Variants in RNF43 observed in about 807,000 individuals in gnomAD.
RNF43 encodes ring finger protein 43.
RNF43 carries 37 observed loss-of-function variants against 78.4 expected under a neutral mutation model. The ratio of observed to expected loss-of-function variants is 0.47; its 90% CI spans 0.36 to 0.62. RNF43 has a LOEUF of 0.62. RNF43 is among the 20% of genes least tolerant of loss of function. The pLI is 0.00. For missense variants in RNF43, 774 were observed against 1,007.9 expected, an observed-to-expected ratio of 0.77 and a Z score of 3.14; for synonymous variants, 347 against 395.0, an observed-to-expected ratio of 0.88 and a Z score of 1.44.
At chr17:58,359,528 T>A (rs989162811) in intron 8 of RNF43, among the ~76,000 whole-genome samples, 1 of 148,214 alleles carries the variant, frequency 6.7e-6, no homozygotes, top group African/African-American at 2.5e-5. Flanking sequence ...GGCGTGAACC[T>A]GGGAGGCGGA....
chr17:58,361,136 C>T (rs1972827983), intron 6 of RNF43, among the ~76,000 whole-genome samples, 192 bp from the exon 7 acceptor site: 1 of 152,234 alleles, frequency 6.6e-6, no homozygotes, highest in African/African-American at 2.4e-5. Flanking sequence ...CACCCACCTG[C>T]TTATACCATT....
At chr17:58,373,352 T>C (rs757220882) in intron 2 of RNF43, among the ~76,000 whole-genome samples, 1 of 151,620 alleles carries the variant, frequency 6.6e-6, no homozygotes, top group African/African-American at 2.4e-5. Flanking sequence ...TCTGACAAGG[T>C]GGAAGGGAAA....
chr17:58,389,421 C>T (rs1973501794), intron 2 of RNF43, among the ~76,000 whole-genome samples: 1 of 152,118 alleles, frequency 6.6e-6, no homozygotes, highest in South Asian at 2.1e-4. Context: ...ACATTTAAAT[C>T]TTAAAGGTAG....
chr17:58,394,212 A>G (rs1567891418), intron 2 of RNF43, among the ~76,000 whole-genome samples: 1 of 152,212 alleles, frequency 6.6e-6, no homozygotes, highest in Non-Finnish European at 1.5e-5. Context: ...TTGCAATGAA[A>G]TGAAAGAAAG....
rs776194805 is a variant in RNF43, at chr17:58,358,513, G to A, written c.1263C>T (p.Leu421=). 6.2e-7 allele frequency: 1 copy of A among 1,613,694 alleles called. No homozygotes were observed. Among genetic ancestry groups the A allele is most frequent in the Non-Finnish European group, 8.5e-7 (1 of 1,179,776 alleles). The change falls in exon 9 of 10, where the codon CTC becomes CTT. Residue 421 remains leucine, a synonymous_variant. Transcript: ENST00000407977. This position sits in a 1 kb window ranked among gnomAD's most constrained non-coding sequence, Gnocchi z 6.2. ...PYAQGWGLSH[L]QSTSQHPAAC... ...CAGCAGGGTGCTGTGAGGTGGATTG[G>A]AGGTGGCTCAGTCCCCAGCCTTGTG... is the stretch of plus-strand genomic sequence containing the variant.
At chr17:58,362,943 G>A (rs770833101) in intron 5 of RNF43, among the ~76,000 whole-genome samples, 10 of 152,196 alleles carry the variant, frequency 6.6e-5, no homozygotes, top group Admixed American at 3.9e-4. Flanking sequence ...CCAGTGAGCC[G>A]CTGGATGAGG....
At position 58,370,896 on chromosome 17, in the gene RNF43, G is replaced by A. The variant is rs1249083177; in HGVS notation, c.375+15C>T. On this transcript the variant is annotated intron_variant, in intron 3 of 9. Transcript: ENST00000407977. ...GTGAAGCTCCGGGTGTGTGTAGGGC[G>A]AAGTGTGAGTCTACCTTGCTAGCCA... 5.1e-6 allele frequency: 8 copies of A among 1,581,570 alleles called. No individual in the cohort carries two copies. Among genetic ancestry groups the A allele is most frequent in the Middle Eastern group, 1.7e-4 (1 of 5,910 alleles).
At chr17:58,388,673 G>A (rs1973484702) in intron 2 of RNF43, among the ~76,000 whole-genome samples, 1 of 148,876 alleles carries the variant, frequency 6.7e-6, no homozygotes, top group African/African-American at 2.5e-5. Flanking sequence ...CACATTGTGT[G>A]GTAAAGCCAA....
At chr17:58,392,913 A>G (rs1973589810) in intron 2 of RNF43, among the ~76,000 whole-genome samples, 1 of 152,214 alleles carries the variant, frequency 6.6e-6, no homozygotes, top group Non-Finnish European at 1.5e-5. Context: ...TCTTTGGGTT[A>G]TCTACCTTGA....
chr17:58,407,348 G>C (rs1973933469), intron 2 of RNF43, among the ~76,000 whole-genome samples: 1 of 152,026 alleles, frequency 6.6e-6, no homozygotes, highest in African/African-American at 2.4e-5. Flanking sequence ...ACAAAGTGCT[G>C]GGATTACAGG....
chr17:58,398,733 T>C (rs767283637), intron 2 of RNF43, among the ~76,000 whole-genome samples: 3 of 152,056 alleles, frequency 2.0e-5, no homozygotes, highest in African/African-American at 7.2e-5. Context: ...TATCAAGAAG[T>C]AAAGGTCAAA....
rs1451906757 is a variant in RNF43, at chr17:58,393,868, C to G, written c.252+21458G>C. Among the ~76,000 whole-genome samples the G allele has an allele frequency of 2.0e-5, 3 of 152,206 alleles. No homozygotes were observed. The East Asian group carries it at 5.8e-4, about 29-fold the overall frequency. ...AGGAGATCGAGACCATCCTGGCTAA[C>G]ATGGTGAAACCCCGTCTCTACTAAA... On this transcript the variant is annotated intron_variant, in intron 2 of 9. Coordinates refer to ENST00000407977, the MANE Select transcript of RNF43 (RefSeq NM_017763.6).
At chr17:58,391,617 T>C (rs1349849253) in intron 2 of RNF43, among the ~76,000 whole-genome samples, 1 of 152,134 alleles carries the variant, frequency 6.6e-6, no homozygotes, top group Non-Finnish European at 1.5e-5. Flanking sequence ...TCAGTGTCGT[T>C]TGAACTGTTT....
In RNF43 at chr17:58,360,658, A is replaced by T. The variant is rs922873481; in HGVS notation, c.849+125T>A. The T allele has an allele frequency of 9.5e-7, 1 of 1,051,220 alleles. No homozygotes were observed. Among genetic ancestry groups the T allele is most frequent in the African/African-American group, 1.6e-5 (1 of 62,738 alleles). The allele number at this position is 1,051,220 out of a possible 1,614,324, so 65.1% of individuals were successfully genotyped here. ...CAGGCTGGTCCCTGATCTCTGCCTCATGCAGGACACATGGGAAACAGATGT... is the reference window on the plus strand; with the variant it reads ...CAGGCTGGTCCCTGATCTCTGCCTCTTGCAGGACACATGGGAAACAGATGT... On this transcript the variant is annotated intron_variant, in intron 7 of 9. Coordinates refer to ENST00000407977, the MANE Select transcript of RNF43 (RefSeq NM_017763.6). This position sits in a 1 kb window ranked among gnomAD's most constrained non-coding sequence, Gnocchi z 4.3.
At chr17:58,405,312 C>T (rs967647136) in intron 2 of RNF43, among the ~76,000 whole-genome samples, 9 of 151,784 alleles carry the variant, frequency 5.9e-5, no homozygotes, top group Non-Finnish European at 1.2e-4. Context: ...CTCCTGACCT[C>T]GTGATCCACC....
intron 3 of RNF43, 96 bp from the exon 4 acceptor site, chr17:58,363,696 G>T: frequency 9.7e-7 from 1 of 1,026,896 alleles, no homozygotes; most frequent in Non-Finnish European, 1.4e-6. Context: ...TCCCTTCCTA[G>T]GATTATGCCC....
At chr17:58,409,233 G>C (rs1422608427) in intron 2 of RNF43, among the ~76,000 whole-genome samples, 1 of 151,966 alleles carries the variant, frequency 6.6e-6, no homozygotes, top group Non-Finnish European at 1.5e-5. Flanking sequence ...CTGTAAAATG[G>C]AGTTAATATC....
intron 2 of RNF43, among the ~76,000 whole-genome samples, chr17:58,384,421 G>T (rs1301604503): frequency 6.6e-6 from 1 of 152,184 alleles, no homozygotes; most frequent in East Asian, 1.9e-4. Flanking sequence ...TGTTATCAAG[G>T]TACAAAGCAA....
At chr17:58,379,223 A>C (rs913493404) in intron 2 of RNF43, among the ~76,000 whole-genome samples, 9 of 152,106 alleles carry the variant, frequency 5.9e-5, no homozygotes, top group African/African-American at 2.2e-4. Context: ...GGAAGGCTTC[A>C]GGGTCCCCAT....
Sources: gnomAD v4.1 joint callset for allele counts (sites outside exome capture counted in the v4.1 genomes callset) on GRCh38, gnomAD v4.1.1 for gene constraint, Gnocchi (gnomAD v3.1) non-coding constraint, MANE v1.5 for transcripts, NCBI Gene and HGNC (gene_info 2026-07-23, HGNC 2026-07-21) for gene names.